Variants in DHX37 observed in about 807,000 individuals in gnomAD.
DHX37 encodes probable ATP-dependent RNA helicase DHX37.
DHX37 carries 52 observed loss-of-function variants against 134.3 expected under a neutral mutation model. The ratio of observed to expected loss-of-function variants is 0.39; its 90% CI spans 0.31 to 0.49. The LOEUF is 0.49. DHX37 is among the 20% of genes least tolerant of loss of function. The pLI, the probability that DHX37 is intolerant of heterozygous loss-of-function variation, is 0.93. For missense variants in DHX37, 1,344 were observed against 1,580.8 expected, an observed-to-expected ratio of 0.85 and a Z score of 2.54; for synonymous variants, 634 against 670.7, an observed-to-expected ratio of 0.95 and a Z score of 0.85.
intron 6 of DHX37, among the ~76,000 whole-genome samples, chr12:124,973,410 G>GA (rs1164339877): frequency 6.7e-4 from 69 of 103,668 alleles, no homozygotes; most frequent in South Asian, 9.0e-4. Context: ...TCTCAAAAAA[G>GA]AAAAAAAAAA....
rs1738348765 is a variant in DHX37 at position 124,963,928 on chromosome 12, A to C, written c.2045+466T>G. Among the ~76,000 whole-genome samples, 3 of 150,456 alleles carry C rather than the reference A, an allele frequency of 2.0e-5. No individual in the cohort carries two copies. The South Asian group carries it at 6.3e-4, about 31-fold the overall frequency. On this transcript the variant is annotated intron_variant, in intron 15 of 26. Transcript: ENST00000308736. The stretch of plus-strand genomic sequence containing the variant: ...AAGAAACAGTGCGAGTAGGCCAGGC[A>C]TGGTGGCTCACCTGAACTCAGGAGT...
chr12:124,966,745 G>A, intron 12 of DHX37, 48 bp downstream of exon 12: 1 of 1,593,832 alleles, frequency 6.3e-7, no homozygotes, highest in South Asian at 1.1e-5. Context: ...TGCCATCCTG[G>A]ACAACGCAGC....
At position 124,972,566 on chromosome 12, in the gene DHX37, G is replaced by T; in HGVS notation, c.1014C>A (p.Asn338Lys). ...ACTTGATTCTGGTCTCCTCTGTCACGTTTCCTTCATACCGGATCTGGTAGG... is the reference window on the plus strand; with the variant it reads ...ACTTGATTCTGGTCTCCTCTGTCACTTTTCCTTCATACCGGATCTGGTAGG... Reference protein sequence around the residue: ...VVSYQIRYEGNVTEETRIKFM... With the variant: ...VVSYQIRYEGKVTEETRIKFM... The change falls in exon 7 of 27, where the codon AAC becomes AAA. Residue 338 changes from asparagine (N) to lysine (K), a missense_variant. Asn to Lys is a moderately conservative substitution (Grantham distance 94). Coordinates refer to ENST00000308736, the MANE Select transcript of DHX37 (RefSeq NM_032656.4). The T allele has an allele frequency of 2.5e-6, 4 of 1,614,204 alleles. No individual in the cohort carries two copies. Among genetic ancestry groups the T allele is most frequent in the Non-Finnish European group, 3.4e-6 (4 of 1,180,042 alleles).
At chr12:124,977,548 C>A in intron 4 of DHX37, 58 bp from the exon 5 acceptor site, 1 of 1,503,492 alleles carries the variant, frequency 6.7e-7, no homozygotes, top group East Asian at 2.4e-5. Context: ...AGTGATGGGA[C>A]CTCCAGGAAG....
intron 25 of DHX37, 132 bp from the exon 26 acceptor site, chr12:124,948,313 G>A: frequency 7.0e-7 from 1 of 1,434,024 alleles, no homozygotes; most frequent in Non-Finnish European, 9.2e-7. Context: ...GGCTGGGCAT[G>A]GTGACATGCA....
intron 21 of DHX37, among the ~76,000 whole-genome samples, chr12:124,951,575 A>C (rs1419655648): frequency 6.6e-6 from 1 of 152,212 alleles, no homozygotes; most frequent in Non-Finnish European, 1.5e-5. Context: ...ACTAAAACCC[A>C]CTGAATTGAA....
At position 124,986,130 on chromosome 12, in the gene DHX37, T is replaced by C. The variant is rs1414468199; in HGVS notation, c.242A>G (p.Gln81Arg). The C allele has an allele frequency of 1.9e-6, 3 of 1,614,220 alleles. No individual in the cohort carries two copies. The highest frequency in any genetic ancestry group is 2.5e-6 in the Non-Finnish European group (3 of 1,180,038). Residue 81 changes from glutamine (Q) to arginine (R), a missense_variant, in exon 2 of 27, where the codon CAG becomes CGG. This residue lies in a region of DHX37 where 319 missense variants were observed against 296.1 expected (regional missense o/e 1.08). Transcript: ENST00000308736. ...PLTKKEKKVL[Q>R]KILEQKEKKS... ...TTTCTCCTTCTGTTCTAAGATTTTC[T>C]GCAGCACTTTCTTCTCCTTCTTGGT...
At chr12:124,975,837 G>A (rs11057942) in intron 5 of DHX37, among the ~76,000 whole-genome samples, 3,141 of 152,268 alleles carry the variant, frequency 0.021, 97 homozygotes, top group East Asian at 0.11. Context: ...CCGATGGGTG[G>A]CTGGTCCCAG....
At chr12:124,967,859 A>G (rs1594492756) in intron 10 of DHX37, among the ~76,000 whole-genome samples, 1 of 152,194 alleles carries the variant, frequency 6.6e-6, no homozygotes, top group East Asian at 1.9e-4. Flanking sequence ...ACCTGAGGTC[A>G]GGAGTTCGAG....
chr12:124,961,446 T>G (rs80115792), intron 15 of DHX37, among the ~76,000 whole-genome samples: 2 of 152,240 alleles, frequency 1.3e-5, no homozygotes, highest in Non-Finnish European at 2.9e-5. Context: ...TTTTTGTTTT[T>G]GAGATGAAGT....
intron 14 of DHX37, 93 bp from the exon 15 acceptor site, chr12:124,964,719 T>C: frequency 3.2e-6 from 5 of 1,546,600 alleles, no homozygotes; most frequent in Non-Finnish European, 4.3e-6. Context: ...CAGGCTGGTG[T>C]GCTGGAGACG....
chr12:124,948,067 G>A lies in DHX37; in HGVS notation c.3388+17C>T. 1 of 1,614,200 alleles carries A rather than the reference G, an allele frequency of 6.2e-7. No homozygotes were observed. Among genetic ancestry groups the A allele is most frequent in the Non-Finnish European group, 8.5e-7 (1 of 1,180,034 alleles). On this transcript the variant is annotated intron_variant, in intron 26 of 26. Transcript: ENST00000308736. ...CCATCCTGTCTACTCCCACCCCCTG[G>A]CCCTGGTCAAACTCACATTTGGGGT...
chr12:124,974,544 C>T (rs1189444277), intron 6 of DHX37, among the ~76,000 whole-genome samples: 1 of 149,372 alleles, frequency 6.7e-6, no homozygotes, highest in Non-Finnish European at 1.5e-5. Flanking sequence ...TCCTGAGAGC[C>T]CAGGATGGGC....
chr12:124,954,066 T>G, intron 19 of DHX37, 21 bp downstream of exon 19: 2 of 1,606,690 alleles, frequency 1.2e-6, no homozygotes, highest in Non-Finnish European at 1.7e-6. Flanking sequence ...CCCGCCACCC[T>G]CCAACGGGCA....
At position 124,956,846 on chromosome 12, in the gene DHX37, G is replaced by C. The variant is rs751694550; in HGVS notation, c.2298C>G (p.Cys766Trp). Residue 766 changes from cysteine to tryptophan, a missense_variant, in exon 18 of 27, where the codon TGC (cysteine) becomes TGG (tryptophan). Cys to Trp is a radical substitution (Grantham distance 215). This residue lies in a region of DHX37 where 558 missense variants were observed against 650.0 expected (regional missense o/e 0.86). Transcript: ENST00000308736. The stretch of plus-strand genomic sequence containing the variant: ...TTGTCCGGCCCAGCGCAGTGATGGG[G>C]CAGCTCAGCCGGTTCTCCTGCAGTT... ...VKQLQENRLSCPITALGRTMA... is the reference protein window; with the variant it reads ...VKQLQENRLSWPITALGRTMA... 3.1e-6 allele frequency: 5 copies of C among 1,603,342 alleles called. No homozygotes were observed. The highest frequency in any genetic ancestry group is 4.3e-6 in the Non-Finnish European group (5 of 1,172,292).
Position 124,968,580 on chromosome 12 carries a change from G to C in DHX37, c.1362C>G (p.Gly454=). ...TCTTGCAGACCTTCCGGAAGCACTC[G>C]CCACTGTAGTCTTCCAGCGGTGTCC... ...NKRTPLEDYS[G]ECFRKVCKIH... Residue 454 remains glycine (G), a synonymous_variant, in exon 10 of 27, where the codon GGC becomes GGG. Coordinates refer to ENST00000308736, the MANE Select transcript of DHX37 (RefSeq NM_032656.4). 1 of 1,614,028 alleles carries C rather than the reference G, an allele frequency of 6.2e-7. No individual in the cohort carries two copies. Among genetic ancestry groups the C allele is most frequent in the Non-Finnish European group, 8.5e-7 (1 of 1,180,044 alleles).
At position 124,961,214 on chromosome 12, in the gene DHX37, GCACGCA is replaced by G. The variant is rs1466697449; in HGVS notation, c.2046-797_2046-792del. Among the ~76,000 whole-genome samples, 8 of 66,482 alleles carry G rather than the reference GCACGCA, an allele frequency of 1.2e-4. No homozygotes were observed. The East Asian group carries it at 8.2e-3, about 68-fold the overall frequency. The allele number at this position is 66,482 out of a possible 152,430, so 43.6% of individuals were successfully genotyped here. On this transcript the variant is annotated intron_variant, in intron 15 of 26. Transcript: ENST00000308736. The stretch of plus-strand genomic sequence containing the variant: ...CACACACACACATACACGTGTGCAC[GCACGCA>G]CACGCACGCACACACACATACACGC...
At chr12:124,961,021 C>T (rs1431486166) in intron 15 of DHX37, among the ~76,000 whole-genome samples, 1 of 152,246 alleles carries the variant, frequency 6.6e-6, no homozygotes, top group Admixed American at 6.5e-5. Flanking sequence ...TAGCACTCTA[C>T]ACTTTAACTA....
rs773673529 is a variant in DHX37, at chr12:124,948,135, T to G, written c.3337A>C (p.Lys1113Gln). ...ESLLRALVAE[K>Q]ADCHEALLAA... is the part of the protein sequence containing the mutation. ...AGCAAGGCTTCATGGCAGTCAGCCT[T>G]CTCTGCAACCAGGGCTCGCAGAAGG... Residue 1113 changes from lysine to glutamine, a missense_variant, in exon 26 of 27, where the codon AAG (lysine) becomes CAG (glutamine). Transcript: ENST00000308736. 2.5e-6 allele frequency: 4 copies of G among 1,614,114 alleles called. No homozygotes were observed. The African/African-American group carries it at 5.3e-5, about 22-fold the overall frequency.
Sources: gnomAD v4.1 joint callset for allele counts (sites outside exome capture counted in the v4.1 genomes callset) on GRCh38, gnomAD v4.1.1 for gene constraint, gnomAD v4.1.1 regional missense constraint, MANE v1.5 for transcripts, NCBI Gene and HGNC (gene_info 2026-07-23, HGNC 2026-07-21) for gene names.